FSTL4: variants seen among roughly 807,000 people sequenced by gnomAD.
FSTL4 encodes the protein follistatin like 4, also known as follistatin-related protein 4.
FSTL4 carries 28 observed loss-of-function variants against 78.2 expected under a neutral mutation model. The ratio of observed to expected loss-of-function variants is 0.36; its 90% CI spans 0.27 to 0.49. FSTL4 has a LOEUF of 0.49. Ranked by LOEUF, FSTL4 falls within the 20% of genes least tolerant of loss-of-function variation. The pLI is 0.98. For missense variants in FSTL4, 922 were observed against 1,084.9 expected (o/e 0.85, Z 2.11); for synonymous variants, 422 against 440.5 (o/e 0.96, Z 0.53).
intron 3 of FSTL4, among the ~76,000 whole-genome samples, chr5:133,449,225 C>T (rs947909921): frequency 6.6e-6 from 1 of 152,178 alleles, no homozygotes; most frequent in South Asian, 2.1e-4. Context: ...TGCCCCTTCG[C>T]GCCTCACCTT....
At chr5:133,531,426 C>T (rs1759250166) in intron 3 of FSTL4, among the ~76,000 whole-genome samples, 1 of 152,114 alleles carries the variant, frequency 6.6e-6, no homozygotes. Flanking sequence ...AGGCCTTAAG[C>T]GTCCTACTTC....
chr5:133,261,399 C>G (rs566858076), intron 6 of FSTL4, among the ~76,000 whole-genome samples: 52 of 152,150 alleles, frequency 3.4e-4, no homozygotes, highest in Middle Eastern at 3.4e-3. Flanking sequence ...TAAGACATCC[C>G]CCAAATGGAT....
the FSTL4 span, among the ~76,000 whole-genome samples, chr5:133,719,990 T>G: frequency 1.8e-4 from 27 of 152,214 alleles, no homozygotes; most frequent in African/African-American, 6.3e-4. Flanking sequence ...TATTCAAGCT[T>G]CATTATGGGA....
In FSTL4 at chr5:133,217,473, C is replaced by T. The variant is rs1172552140; in HGVS notation, c.1459-95G>A. On this transcript the variant is annotated intron_variant, in intron 12 of 15. Transcript: ENST00000265342. ...TCCCCTGACCCTCCTCTGTGCCTTT[C>T]TTCCTCTCTCTTAGAATCCTTTGGA... is the stretch of plus-strand genomic sequence containing the variant. The T allele has an allele frequency of 1.0e-5, 12 of 1,146,262 alleles. No individual in the cohort carries two copies. In the East Asian group the frequency reaches 2.8e-4, roughly 27 times the overall value. 71.0% of individuals were successfully genotyped at this position (1,146,262 alleles called of 1,614,324 possible). A position where few individuals can be genotyped will look rare whatever the true frequency, so the allele number is the denominator to read the frequency against.
intron 6 of FSTL4, among the ~76,000 whole-genome samples, chr5:133,252,745 A>G (rs1388972748): frequency 2.0e-5 from 3 of 152,138 alleles, no homozygotes. Flanking sequence ...TGTGGCCCCA[A>G]AGTCATATAT....
the FSTL4 span, among the ~76,000 whole-genome samples, chr5:133,647,938 G>A: frequency 5.4e-4 from 82 of 152,100 alleles, no homozygotes; most frequent in African/African-American, 1.7e-3. Context: ...GGTCTTTCCC[G>A]TGCTGTTCTC....
the FSTL4 span, among the ~76,000 whole-genome samples, chr5:133,754,063 C>T: frequency 6.6e-6 from 1 of 152,138 alleles, no homozygotes; most frequent in South Asian, 2.1e-4. Context: ...TGAGGATATC[C>T]CAGCCCCATG....
chr5:133,386,097 A>G lies in FSTL4; in HGVS notation c.409+14641T>C, dbSNP rs941819376. On this transcript the variant is annotated intron_variant, in intron 4 of 15. Coordinates refer to ENST00000265342, the MANE Select transcript of FSTL4 (RefSeq NM_015082.2). Reference sequence around the variant, plus strand: ...TGAGCCTCAGTTTCCTCACCTGCCAAGTTAGGGGTAATAACAGTCCTTACC... The same window carrying G: ...TGAGCCTCAGTTTCCTCACCTGCCAGGTTAGGGGTAATAACAGTCCTTACC... 2.6e-5 allele frequency among the ~76,000 whole-genome samples: 4 copies of G among 152,166 alleles called. No homozygotes were observed. In the East Asian group the frequency reaches 7.7e-4, roughly 29 times the overall value.
At chr5:133,268,178 C>T (rs1752686456) in intron 6 of FSTL4, among the ~76,000 whole-genome samples, 1 of 152,204 alleles carries the variant, frequency 6.6e-6, no homozygotes, top group Non-Finnish European at 1.5e-5. Context: ...GATAAACCCA[C>T]TCAACAGGCT....
intron 14 of FSTL4, 85 bp downstream of exon 14, chr5:133,210,106 G>A (rs1039731248): frequency 2.2e-5 from 16 of 730,878 alleles, no homozygotes; most frequent in Non-Finnish European, 3.4e-5. Context: ...TTAGCTACCC[G>A]GGGAAGCAGG....
chr5:133,755,049 C>T, the FSTL4 span, among the ~76,000 whole-genome samples: 1 of 152,186 alleles, frequency 6.6e-6, no homozygotes. Flanking sequence ...CCCCTGCAAG[C>T]CAGACCTCAC....
In FSTL4 at chr5:133,378,118, C is replaced by T. The variant is rs926160137; in HGVS notation, c.409+22620G>A. ...AAAACAGATAATTCATTGCTACATACCCACTCTACAAAAGGTGAAAGAAGC... is the reference window on the plus strand; with the variant it reads ...AAAACAGATAATTCATTGCTACATATCCACTCTACAAAAGGTGAAAGAAGC... On this transcript the variant is annotated intron_variant, in intron 4 of 15. Coordinates refer to ENST00000265342, the MANE Select transcript of FSTL4 (RefSeq NM_015082.2). 3.3e-5 allele frequency among the ~76,000 whole-genome samples: 5 copies of T among 152,212 alleles called. No individual in the cohort carries two copies. In the East Asian group the frequency reaches 9.6e-4, roughly 29 times the overall value.
At chr5:133,686,136 A>C in the FSTL4 span, among the ~76,000 whole-genome samples, 7 of 152,216 alleles carry the variant, frequency 4.6e-5, no homozygotes, top group African/African-American at 1.7e-4. Flanking sequence ...CATGTCTTCT[A>C]TGACAAAGCT....
At chr5:133,403,702 T>C (rs13164788) in intron 3 of FSTL4, among the ~76,000 whole-genome samples, 14,643 of 152,108 alleles carry the variant, frequency 0.096, 831 homozygotes, top group South Asian at 0.24. Flanking sequence ...GGAAGATGGA[T>C]GTCCGTGGAG....
At chr5:133,421,632 T>C (rs1228988672) in intron 3 of FSTL4, among the ~76,000 whole-genome samples, 1 of 152,236 alleles carries the variant, frequency 6.6e-6, no homozygotes, top group African/African-American at 2.4e-5. Context: ...CAACGCCTTA[T>C]GTGCTGTCTT....
chr5:133,399,951 C>T (rs1756176194), intron 4 of FSTL4, among the ~76,000 whole-genome samples: 1 of 152,222 alleles, frequency 6.6e-6, no homozygotes, highest in Non-Finnish European at 1.5e-5. Context: ...GTACTATTTA[C>T]CAGGGCCACA....
At chr5:133,755,670 C>T in the FSTL4 span, among the ~76,000 whole-genome samples, 1 of 152,198 alleles carries the variant, frequency 6.6e-6, no homozygotes, top group Admixed American at 6.5e-5. Flanking sequence ...CCCAAAGCAC[C>T]CTTCTCCATG....
At chr5:133,495,023 G>C (rs1758342070) in intron 3 of FSTL4, among the ~76,000 whole-genome samples, 1 of 152,184 alleles carries the variant, frequency 6.6e-6, no homozygotes, top group South Asian at 2.1e-4. Flanking sequence ...TATCCATGTT[G>C]AATCAACAAA....
rs760478308 is a variant in FSTL4, at chr5:133,522,895, CT to C, written c.160+44290del. ...CACTGATTGGGAACTGTTAATATTA[CT>C]TTTGTATTTTAATCAGTTGGGTATA... On this transcript the variant is annotated intron_variant, in intron 3 of 15. Transcript: ENST00000265342. 1.1e-4 allele frequency among the ~76,000 whole-genome samples: 16 copies of C among 152,188 alleles called. No homozygotes were observed. The East Asian group carries it at 2.1e-3, about 20-fold the overall frequency.
Sources: allele counts gnomAD v4.1 joint callset (sites outside exome capture counted in the v4.1 genomes callset), GRCh38; gene constraint gnomAD v4.1.1; transcripts MANE v1.5; gene names NCBI Gene and HGNC (gene_info 2026-07-23, HGNC 2026-07-21).